Variants in RBFOX3 observed in about 807,000 individuals in gnomAD.
RBFOX3 encodes RNA binding protein fox-1 homolog 3.
In RBFOX3, 17 loss-of-function variants were observed where a neutral mutation model predicts 48.7. The ratio of observed to expected loss-of-function variants is 0.35; its 90% CI spans 0.24 to 0.52. RBFOX3 has a LOEUF of 0.52. Among genes scored for constraint, RBFOX3 ranks in the 20% least tolerant of loss-of-function variants. The probability of loss-of-function intolerance (pLI) is 0.94; values close to 1 mark genes in which losing one functional copy is unlikely to be tolerated. For missense variants in RBFOX3, 382 were observed against 497.5 expected, an observed-to-expected ratio of 0.77 and a Z score of 2.21; for synonymous variants, 212 against 209.5, an observed-to-expected ratio of 1.01 and a Z score of -0.10.
chr17:79,372,304 T>G (rs1323063880), intron 2 of RBFOX3, among the ~76,000 whole-genome samples: 1 of 9,008 alleles, frequency 1.1e-4, no homozygotes, highest in Non-Finnish European at 5.2e-4. Flanking sequence ...CTCTATACTA[T>G]AGACCCCCCC....
At chr17:79,314,698 A>G (rs2077300115) in intron 2 of RBFOX3, among the ~76,000 whole-genome samples, 1 of 152,244 alleles carries the variant, frequency 6.6e-6, no homozygotes, top group Non-Finnish European at 1.5e-5. Flanking sequence ...CAAAGAGGTG[A>G]GTTGCAGGAA....
chr17:79,268,027 G>C (rs941096012), intron 3 of RBFOX3, among the ~76,000 whole-genome samples: 2 of 152,184 alleles, frequency 1.3e-5, no homozygotes, highest in African/African-American at 4.8e-5. Flanking sequence ...CTCGGTCTCT[G>C]CAAATTTTCC....
chr17:79,296,937 C>A (rs1418795100), intron 3 of RBFOX3, among the ~76,000 whole-genome samples: 2 of 135,968 alleles, frequency 1.5e-5, no homozygotes, highest in African/African-American at 5.5e-5. Flanking sequence ...CTCCCCCTCT[C>A]CCTCCTCCTC....
intron 1 of RBFOX3, among the ~76,000 whole-genome samples, chr17:79,562,707 C>T (rs1156339270): frequency 2.0e-5 from 3 of 152,166 alleles, no homozygotes; most frequent in African/African-American, 7.2e-5. Flanking sequence ...GAGGGTGGGC[C>T]CCGGCCCCGG....
intron 2 of RBFOX3, among the ~76,000 whole-genome samples, chr17:79,365,054 G>C (rs113943092): frequency 0.043 from 6,523 of 152,182 alleles, 182 homozygotes; most frequent in Middle Eastern, 0.1. Context: ...GGGGAGGCTT[G>C]TCTCTTGGTA....
rs139639729 is a variant in RBFOX3 at position 79,224,073 on chromosome 17, TG to T, written c.-34+11692del. 4.2e-3 allele frequency among the ~76,000 whole-genome samples: 642 copies of T among 152,278 alleles called. 3 individuals are homozygous for T. The highest frequency in any genetic ancestry group is 0.015 in the African/African-American group (616 of 41,560). ...TGCGTGTGTCCTGATTGAGAGTCTC[TG>T]GGCAGATTCTTCTTTCCCAAACAGT... On this transcript the variant is annotated intron_variant, in intron 4 of 14. Transcript: ENST00000693108.
chr17:79,603,667 T>C (rs1347345693), intron 1 of RBFOX3: 7 of 152,250 alleles, frequency 4.6e-5, no homozygotes, highest in Admixed American at 2.0e-4. Context: ...AGGGAACAGT[T>C]TGGAATCCAT....
chr17:79,354,805 T>C (rs1224422662), intron 2 of RBFOX3, among the ~76,000 whole-genome samples: 1 of 152,238 alleles, frequency 6.6e-6, no homozygotes, highest in East Asian at 1.9e-4. Context: ...TCACGATTAA[T>C]CATTATTATA....
chr17:79,653,762 T>TG, the RBFOX3 span, among the ~76,000 whole-genome samples: 1 of 2,756 alleles, frequency 3.6e-4, no homozygotes, highest in Non-Finnish European at 6.7e-4. Flanking sequence ...TTGCATGTCG[T>TG]GGTTTTTTTT....
the RBFOX3 span, among the ~76,000 whole-genome samples, chr17:79,646,736 A>G: frequency 6.6e-6 from 1 of 152,028 alleles, no homozygotes; most frequent in Non-Finnish European, 1.5e-5. Flanking sequence ...TGACCTGCCC[A>G]TTTGCTACCC....
intron 4 of RBFOX3, among the ~76,000 whole-genome samples, chr17:79,211,342 C>T (rs1310353845): frequency 6.6e-6 from 1 of 152,218 alleles, no homozygotes; most frequent in African/African-American, 2.4e-5. Context: ...ACCTCCTGCC[C>T]GCTCAGCCTC....
chr17:79,577,238 C>G (rs1252243835), intron 1 of RBFOX3, among the ~76,000 whole-genome samples: 1 of 152,168 alleles, frequency 6.6e-6, no homozygotes, highest in Non-Finnish European at 1.5e-5. Context: ...TCCGACAATT[C>G]TGGCTAGAAC....
chr17:79,580,550 G>A (rs1011450887), intron 1 of RBFOX3, among the ~76,000 whole-genome samples: 6 of 152,110 alleles, frequency 3.9e-5, no homozygotes, highest in Non-Finnish European at 5.9e-5. Flanking sequence ...GCTGAGAGAC[G>A]ACTTCAGTGA....
chr17:79,620,502 CACAT>C, the RBFOX3 span, among the ~76,000 whole-genome samples: 1 of 148,864 alleles, frequency 6.7e-6, no homozygotes, highest in Non-Finnish European at 1.5e-5. Flanking sequence ...CACGCGCACA[CACAT>C]GCGCATACGT....
In RBFOX3 at chr17:79,331,781, C is replaced by T. The variant is rs79137927; in HGVS notation, c.-174-23957G>A. ...CCCATCTTCCCACTGGAAGTGAGGC[C>T]ACACAGCTCTGGTCTTTAGTGACAC... is the stretch of plus-strand genomic sequence containing the variant. On this transcript the variant is annotated intron_variant, in intron 2 of 14. Transcript: ENST00000693108. Among the ~76,000 whole-genome samples the T allele has an allele frequency of 3.6e-3, 543 of 152,306 alleles. 27 individuals carry two copies. In the East Asian group the frequency reaches 0.077, roughly 22 times the overall value.
chr17:79,322,954 T>C (rs892917416), intron 2 of RBFOX3, among the ~76,000 whole-genome samples: 1 of 152,230 alleles, frequency 6.6e-6, no homozygotes, highest in South Asian at 2.1e-4. Flanking sequence ...TGTGGCCAGC[T>C]GGCCCTGAGC....
intron 4 of RBFOX3, among the ~76,000 whole-genome samples, chr17:79,168,572 T>C (rs1465421485): frequency 6.6e-6 from 1 of 152,136 alleles, no homozygotes; most frequent in Non-Finnish European, 1.5e-5. Flanking sequence ...CACTGGTCCA[T>C]GAGGAAACTG....
intron 1 of RBFOX3, among the ~76,000 whole-genome samples, chr17:79,548,734 C>T (rs963848832): frequency 5.9e-5 from 9 of 152,324 alleles, no homozygotes; most frequent in South Asian, 2.1e-4. Context: ...CAGGGGTGTG[C>T]GTGTCCTTGG....
In RBFOX3 at chr17:79,584,915, G is replaced by A. The variant is rs1055874820; in HGVS notation, c.-320+25911C>T. The stretch of plus-strand genomic sequence containing the variant: ...CAAGTAGCTGGGACTACAGGCACCC[G>A]CCACCACACCCAGCTACTTTTTTGT... On this transcript the variant is annotated intron_variant, in intron 1 of 14. Transcript: ENST00000693108. Among the ~76,000 whole-genome samples, 33 of 152,100 alleles carry A rather than the reference G, an allele frequency of 2.2e-4. No homozygotes were observed. In the East Asian group the frequency reaches 3.9e-3, roughly 18 times the overall value.
Sources: gnomAD v4.1 joint callset for allele counts (sites outside exome capture counted in the v4.1 genomes callset) on GRCh38, gnomAD v4.1.1 for gene constraint, MANE v1.5 for transcripts, NCBI Gene and HGNC (gene_info 2026-07-23, HGNC 2026-07-21) for gene names.